The following FAM117A variants were observed in gnomAD, a reference collection of about 807,000 sequenced individuals.
The protein encoded by FAM117A is family with sequence similarity 117 member A.
FAM117A carries 21 observed loss-of-function variants against 44.1 expected under a neutral mutation model. That is an observed-to-expected ratio of 0.48 (90% CI 0.34 to 0.69). The LOEUF (loss-of-function observed/expected upper bound fraction) is 0.69. Among genes scored for constraint, FAM117A ranks in the 30% least tolerant of loss-of-function variants. The pLI is 0.01. For missense variants in FAM117A, 498 were observed against 589.9 expected (o/e 0.84, Z 1.61); for synonymous variants, 220 against 238.3 (o/e 0.92, Z 0.71).
chr17:49,714,655 T>C (rs1056224845), intron 7 of FAM117A, among the ~76,000 whole-genome samples: 8 of 150,906 alleles, frequency 5.3e-5, no homozygotes, highest in Admixed American at 3.3e-4. Context: ...ACTTCCTTTT[T>C]TTTTTTTTTG....
chr17:49,720,068 T>C, intron 4 of FAM117A, 174 bp from the exon 5 acceptor site: 1 of 908,132 alleles, frequency 1.1e-6, no homozygotes. Flanking sequence ...CTCCAAAAGT[T>C]TGAGCTTTGC....
chr17:49,785,309 C>T (rs771392561), intron 1 of FAM117A, among the ~76,000 whole-genome samples: 33 of 152,088 alleles, frequency 2.2e-4, no homozygotes, highest in Non-Finnish European at 4.1e-4. Context: ...GCCAGGAGTT[C>T]GAGACTAGTC....
intron 1 of FAM117A, among the ~76,000 whole-genome samples, chr17:49,762,461 A>C (rs2073725825): frequency 6.6e-6 from 1 of 152,212 alleles, no homozygotes; most frequent in Admixed American, 6.5e-5. Flanking sequence ...AAGTTTCTGC[A>C]TCCCAAGATG....
In FAM117A at chr17:49,711,254, C is replaced by T. The variant is rs1392346199; in HGVS notation, c.*1G>A. 2.5e-6 allele frequency: 4 copies of T among 1,596,060 alleles called. No individual in the cohort carries two copies. The highest frequency in any genetic ancestry group is 3.4e-6 in the Non-Finnish European group (4 of 1,169,908). ...GGTAAAGTGGGGCAGGGGTGGGACC[C>T]TCAGACCATCAGGGAGCTCTGGAAA... On this transcript the variant is annotated 3_prime_UTR_variant, in exon 8 of 8. Transcript: ENST00000240364.
chr17:49,763,979 G>A lies in FAM117A; in HGVS notation c.109C>T (p.Pro37Ser). 1 of 1,226,884 alleles carries A rather than the reference G, an allele frequency of 8.2e-7. No individual in the cohort carries two copies. 76.0% of individuals were successfully genotyped at this position (1,226,884 alleles called of 1,614,324 possible). A position where few individuals can be genotyped will look rare whatever the true frequency, so the allele number is the denominator to read the frequency against. The change falls in exon 1 of 8, where the codon CCC becomes TCC. Residue 37 changes from proline (P) to serine (S), a missense_variant. Coordinates refer to ENST00000240364, the MANE Select transcript of FAM117A (RefSeq NM_030802.4). ...GCSPPAPAGS[P>S]RAGLQPLRAT... ...CTGAGCGGCTGCAGCCCAGCCCGGG[G>A]GGAGCCGGCGGGGGCTGGGGGAGAG...
intron 7 of FAM117A, among the ~76,000 whole-genome samples, 184 bp downstream of exon 7, chr17:49,715,981 T>C (rs1413840266): frequency 1.3e-5 from 2 of 152,186 alleles, no homozygotes; most frequent in Non-Finnish European, 1.5e-5. Flanking sequence ...ATGGAGATAA[T>C]GATAAGCAAA....
chr17:49,771,937 C>A (rs2073762098), intron 1 of FAM117A, among the ~76,000 whole-genome samples: 1 of 152,222 alleles, frequency 6.6e-6, no homozygotes, highest in African/African-American at 2.4e-5. Context: ...CACTCTCCAC[C>A]TGATTCTACA....
chr17:49,778,810 A>ACTT (rs2073781817), intron 1 of FAM117A, among the ~76,000 whole-genome samples: 1 of 152,194 alleles, frequency 6.6e-6, no homozygotes, highest in African/African-American at 2.4e-5. Flanking sequence ...TGTGTTGGGG[A>ACTT]GACAGAAAGT....
chr17:49,732,925 G>A, intron 1 of FAM117A: 1 of 572,498 alleles, frequency 1.7e-6, no homozygotes, highest in Non-Finnish European at 3.1e-6. Context: ...CTTTATCATG[G>A]GAAACAATTT....
At chr17:49,716,025 G>A (rs377177428) in intron 7 of FAM117A, 140 bp downstream of exon 7, 103 of 902,210 alleles carry the variant, frequency 1.1e-4, no homozygotes, top group African/African-American at 7.4e-4. Flanking sequence ...ATGTCAACAC[G>A]TTTGATCATG....
At chr17:49,719,099 T>A (rs1351513977) in intron 5 of FAM117A, among the ~76,000 whole-genome samples, 1 of 150,740 alleles carries the variant, frequency 6.6e-6, no homozygotes. Flanking sequence ...CCATCTCTAT[T>A]AAAAATACAA....
chr17:49,770,523 G>A (rs1457395990), intron 1 of FAM117A, among the ~76,000 whole-genome samples: 1 of 152,164 alleles, frequency 6.6e-6, no homozygotes, highest in Non-Finnish European at 1.5e-5. Flanking sequence ...CCTGCCAATG[G>A]ACACTTTTTC....
chr17:49,765,343 TTTTC>T (rs1239123502), upstream of FAM117A, among the ~76,000 whole-genome samples: 10 of 152,228 alleles, frequency 6.6e-5, no homozygotes, highest in Admixed American at 5.9e-4. Context: ...TGCTACAGAT[TTTTC>T]TTTCTATTTC....
intron 1 of FAM117A, among the ~76,000 whole-genome samples, chr17:49,759,464 A>G (rs1189131370): frequency 6.6e-6 from 1 of 152,204 alleles, no homozygotes; most frequent in East Asian, 1.9e-4. Flanking sequence ...AATGCTTCCC[A>G]AACAGAAGCT....
At chr17:49,766,749 T>C (rs1389187332), upstream of FAM117A, among the ~76,000 whole-genome samples, 1 of 152,214 alleles carries the variant, frequency 6.6e-6, no homozygotes, top group African/African-American at 2.4e-5. Flanking sequence ...TGAAACACTT[T>C]GGGTAAGTGG....
chr17:49,725,721 TAAA>T (rs902093816), intron 2 of FAM117A, among the ~76,000 whole-genome samples: 2 of 152,092 alleles, frequency 1.3e-5, no homozygotes, highest in African/African-American at 4.8e-5. Context: ...AGTGACAGGT[TAAA>T]AAACAGCTCC....
chr17:49,772,979 G>A (rs1169943161), intron 1 of FAM117A, among the ~76,000 whole-genome samples: 1 of 151,984 alleles, frequency 6.6e-6, no homozygotes. Flanking sequence ...AGACCAGCCT[G>A]ACCAACATGG....
rs1327513212 is a variant in FAM117A at position 49,711,087 on chromosome 17, G to A, written c.*168C>T. ...GGCAGGTCCCATCACGTTCAGAGGG[G>A]CCGGTGCCCATCAAAAAGAGGACCC... On this transcript the variant is annotated 3_prime_UTR_variant, in exon 8 of 8. Coordinates refer to ENST00000240364, the MANE Select transcript of FAM117A (RefSeq NM_030802.4). 6 of 632,466 alleles carry A rather than the reference G, an allele frequency of 9.5e-6. No individual in the cohort carries two copies. The allele number at this position is 632,466 out of a possible 1,614,324, so 39.2% of individuals were successfully genotyped here.
In FAM117A at chr17:49,733,530, G is replaced by A. The variant is rs370853824; in HGVS notation, c.197-810C>T. ...TCTACTAAAAATACAAAAATTAGCCGGGCGTGGTGGAGGGTGCCTGTAATC... is the reference window on the plus strand; with the variant it reads ...TCTACTAAAAATACAAAAATTAGCCAGGCGTGGTGGAGGGTGCCTGTAATC... On this transcript the variant is annotated intron_variant, in intron 1 of 7. Transcript: ENST00000240364. Among the ~76,000 whole-genome samples the A allele has an allele frequency of 6.6e-5, 10 of 151,972 alleles. No homozygotes were observed. The South Asian group carries it at 1.2e-3, about 19-fold the overall frequency.
Sources: allele counts gnomAD v4.1 joint callset (sites outside exome capture counted in the v4.1 genomes callset), GRCh38; gene constraint gnomAD v4.1.1; transcripts MANE v1.5; gene names NCBI Gene and HGNC (gene_info 2026-07-23, HGNC 2026-07-21).